Variants in CHIC2 observed in about 807,000 individuals in gnomAD.
CHIC2 encodes cysteine-rich hydrophobic domain-containing protein 2.
Under a neutral mutation model 25.9 loss-of-function variants are expected in CHIC2, and 14 were observed. The ratio of observed to expected loss-of-function variants is 0.54; its 90% CI spans 0.36 to 0.85. The LOEUF (loss-of-function observed/expected upper bound fraction) is 0.85. CHIC2 is among the 40% of genes least tolerant of loss of function. CHIC2 has a pLI of 0.01. For missense variants in CHIC2, 146 were observed against 202.0 expected (o/e 0.72, Z 1.68); for synonymous variants, 70 against 72.0 (o/e 0.97, Z 0.14).
chr4:54,014,946 A>T (rs1715696077), intron 3 of CHIC2, among the ~76,000 whole-genome samples: 1 of 152,144 alleles, frequency 6.6e-6, no homozygotes, highest in South Asian at 2.1e-4. Flanking sequence ...CTTGCAAGAG[A>T]AAGAAAAAAA....
the CHIC2 span, among the ~76,000 whole-genome samples, chr4:54,074,985 C>T: frequency 6.6e-6 from 1 of 152,102 alleles, no homozygotes; most frequent in Non-Finnish European, 1.5e-5. Flanking sequence ...GTGGCATGCA[C>T]CTGTAGTCCC....
the CHIC2 span, among the ~76,000 whole-genome samples, chr4:54,072,301 C>CAA: frequency 1.5e-5 from 2 of 130,902 alleles, no homozygotes; most frequent in African/African-American, 5.6e-5. Context: ...GACTCCATCT[C>CAA]AAAAAAAAAA....
intron 1 of CHIC2, among the ~76,000 whole-genome samples, chr4:54,063,647 T>C (rs1717403226): frequency 6.6e-6 from 1 of 152,272 alleles, no homozygotes; most frequent in African/African-American, 2.4e-5. Context: ...TATATTTTTA[T>C]CACGTACAAT....
At chr4:54,050,607 T>C (rs1716977345) in intron 1 of CHIC2, among the ~76,000 whole-genome samples, 1 of 152,096 alleles carries the variant, frequency 6.6e-6, no homozygotes, top group Non-Finnish European at 1.5e-5. Flanking sequence ...TCCCACAAGA[T>C]TTTAATACTG....
chr4:54,044,057 A>C (rs568107566), intron 3 of CHIC2, among the ~76,000 whole-genome samples: 1 of 152,342 alleles, frequency 6.6e-6, no homozygotes, highest in Admixed American at 6.5e-5. Context: ...GAGACAAAGA[A>C]GGCCATTACA....
At chr4:54,050,135 A>G (rs1716956936) in intron 1 of CHIC2, among the ~76,000 whole-genome samples, 1 of 152,156 alleles carries the variant, frequency 6.6e-6, no homozygotes, top group Non-Finnish European at 1.5e-5. Context: ...ATTCCATGCA[A>G]CACTTCAGTG....
the CHIC2 span, chr4:54,087,539 T>TA: frequency 8.6e-7 from 1 of 1,160,252 alleles, no homozygotes; most frequent in Non-Finnish European, 1.2e-6. Flanking sequence ...GAGGCCCCTG[T>TA]ATGCAGAAAT....
At chr4:54,047,595 A>G (rs1233776114) in intron 3 of CHIC2, among the ~76,000 whole-genome samples, 1 of 147,318 alleles carries the variant, frequency 6.8e-6, no homozygotes, top group African/African-American at 2.5e-5. Context: ...TGGGAATTGA[A>G]CAATGAGAAC....
At chr4:54,059,685 C>A (rs975552954) in intron 1 of CHIC2, 2 of 151,876 alleles carry the variant, frequency 1.3e-5, no homozygotes, top group East Asian at 3.9e-4. Context: ...GATAAGTATT[C>A]TATTATAGAA....
the CHIC2 span, among the ~76,000 whole-genome samples, chr4:54,088,596 G>T: frequency 6.6e-6 from 1 of 152,226 alleles, no homozygotes; most frequent in Non-Finnish European, 1.5e-5. Context: ...GAGCAAGTAG[G>T]CCAGTGGTTG....
intron 3 of CHIC2, among the ~76,000 whole-genome samples, chr4:54,036,251 C>G (rs1182014688): frequency 6.6e-6 from 1 of 152,156 alleles, no homozygotes; most frequent in African/African-American, 2.4e-5. Context: ...CTAGTTCTAT[C>G]AGTTATCAAG....
At chr4:54,059,703 T>C (rs931783630) in intron 1 of CHIC2, 2 of 152,248 alleles carry the variant, frequency 1.3e-5, no homozygotes, top group Non-Finnish European at 2.9e-5. Context: ...GAACATTGTT[T>C]GCCTTTGTTC....
At chr4:54,090,766 C>A in the CHIC2 span, among the ~76,000 whole-genome samples, 20 of 152,108 alleles carry the variant, frequency 1.3e-4, no homozygotes, top group Admixed American at 1.2e-3. Flanking sequence ...AACCCAATCC[C>A]AAACTCAGTG....
intron 3 of CHIC2, among the ~76,000 whole-genome samples, chr4:54,048,150 G>A (rs919660706): frequency 5.3e-5 from 8 of 152,006 alleles, no homozygotes; most frequent in Admixed American, 5.3e-4. Flanking sequence ...CACCACGCCT[G>A]GCTAATTTTT....
intron 1 of CHIC2, among the ~76,000 whole-genome samples, chr4:54,049,853 T>TA (rs1716948141): frequency 6.6e-6 from 1 of 152,160 alleles, no homozygotes; most frequent in African/African-American, 2.4e-5. Flanking sequence ...ATTGAACACC[T>TA]ATTTGTCAGT....
intron 3 of CHIC2, among the ~76,000 whole-genome samples, chr4:54,019,025 G>T (rs968252504): frequency 6.6e-6 from 1 of 151,650 alleles, no homozygotes; most frequent in African/African-American, 2.4e-5. Context: ...AATTGAATTT[G>T]TTAAGTAAAA....
upstream of CHIC2, among the ~76,000 whole-genome samples, chr4:54,066,261 G>A (rs1398291111): frequency 6.6e-6 from 1 of 152,152 alleles, no homozygotes; most frequent in Non-Finnish European, 1.5e-5. Flanking sequence ...GCCCCATTGG[G>A]ATGCTCAGCA....
At chr4:54,058,549 TACACACACATACACACAC>T (rs1717241628) in intron 1 of CHIC2, among the ~76,000 whole-genome samples, 1 of 126,924 alleles carries the variant, frequency 7.9e-6, no homozygotes. Flanking sequence ...CATACACACA[TACACACACATACACACAC>T]ACACACACAC....
chr4:54,033,434 T>G (rs540096496), intron 3 of CHIC2, among the ~76,000 whole-genome samples: 2 of 152,220 alleles, frequency 1.3e-5, no homozygotes, highest in Non-Finnish European at 2.9e-5. Flanking sequence ...TTATATATTC[T>G]GGACAAAAGT....
Sources: gnomAD v4.1 joint callset for allele counts (sites outside exome capture counted in the v4.1 genomes callset) on GRCh38, gnomAD v4.1.1 for gene constraint, MANE v1.5 for transcripts, NCBI Gene and HGNC (gene_info 2026-07-23, HGNC 2026-07-21) for gene names.